The following CTNND2 variants were observed in gnomAD, a reference collection of about 807,000 sequenced individuals.
The protein encoded by CTNND2 is catenin delta 2.
In CTNND2, 22 loss-of-function variants were observed where a neutral mutation model predicts 144.4. The ratio of observed to expected loss-of-function variants is 0.15; its 90% CI spans 0.11 to 0.22. The LOEUF is 0.22. Ranked by LOEUF, CTNND2 falls within the 10% of genes least tolerant of loss-of-function variation. CTNND2 has a pLI of 1.00. For synonymous variants in CTNND2, 751 were observed against 695.6 expected, an observed-to-expected ratio of 1.08 and a Z score of -1.25; for missense variants, 1,353 against 1,618.8, an observed-to-expected ratio of 0.84 and a Z score of 2.82.
intron 2 of CTNND2, among the ~76,000 whole-genome samples, chr5:11,706,008 C>A (rs1785674509): frequency 6.6e-6 from 1 of 152,160 alleles, no homozygotes; most frequent in Non-Finnish European, 1.5e-5. Flanking sequence ...TTATGAGTAA[C>A]CTTTAAGGAC....
At chr5:11,333,112 G>A (rs998469408) in intron 9 of CTNND2, among the ~76,000 whole-genome samples, 20 of 152,132 alleles carry the variant, frequency 1.3e-4, no homozygotes, top group Admixed American at 1.1e-3. Flanking sequence ...TTAGCATGAT[G>A]TCTTCATGAT....
At chr5:11,660,955 T>C (rs1783169596) in intron 2 of CTNND2, among the ~76,000 whole-genome samples, 1 of 152,150 alleles carries the variant, frequency 6.6e-6, no homozygotes, top group Non-Finnish European at 1.5e-5. Flanking sequence ...GTTGAAAATG[T>C]GGCTTGATTT....
chr5:11,861,136 G>C (rs1325915482), intron 1 of CTNND2, among the ~76,000 whole-genome samples: 1 of 152,108 alleles, frequency 6.6e-6, no homozygotes, highest in Non-Finnish European at 1.5e-5. Flanking sequence ...TGTACTGCAT[G>C]ATCACCAGTG....
Position 11,830,934 on chromosome 5 carries a change from T to G in CTNND2, c.37+72883A>C. On this transcript the variant is annotated intron_variant, in intron 1 of 21. Transcript: ENST00000304623. ...ACAATTGAAAATTAAAATAAAACAATACCATTTATACCACCAAAGCATGAA... is the reference window on the plus strand; with the variant it reads ...ACAATTGAAAATTAAAATAAAACAAGACCATTTATACCACCAAAGCATGAA... Among the ~76,000 whole-genome samples, 3 of 152,286 alleles carry G rather than the reference T, an allele frequency of 2.0e-5. No individual in the cohort carries two copies. The South Asian group carries it at 6.2e-4, about 32-fold the overall frequency.
chr5:11,004,992 T>A (rs1017861750), intron 18 of CTNND2, among the ~76,000 whole-genome samples: 4 of 152,110 alleles, frequency 2.6e-5, no homozygotes, highest in Admixed American at 6.5e-5. Context: ...TGTTCAGACA[T>A]GATCACATCA....
At chr5:11,880,833 TACCACTACTACTACC>T (rs1426315709) in intron 1 of CTNND2, among the ~76,000 whole-genome samples, 14 of 124,500 alleles carry the variant, frequency 1.1e-4, no homozygotes, top group African/African-American at 3.4e-4. Context: ...CTACCACTAC[TACCACTACTACTACC>T]ACCACTACTA....
rs190355326 is a variant in CTNND2, at chr5:11,173,159, C to T, written c.1976-13400G>A. Among the ~76,000 whole-genome samples, 767 of 152,320 alleles carry T rather than the reference C, an allele frequency of 5.0e-3. 3 individuals are homozygous for T. Among genetic ancestry groups the T allele is most frequent in the Non-Finnish European group, 7.9e-3 (538 of 68,024 alleles). On this transcript the variant is annotated intron_variant, in intron 11 of 21. Coordinates refer to ENST00000304623, the MANE Select transcript of CTNND2 (RefSeq NM_001332.4). ...CAACTTTGCCCACATGCCGAACTTCCCGGGTACCCGTGCCCTCTGGCTTGC... is the reference window on the plus strand; with the variant it reads ...CAACTTTGCCCACATGCCGAACTTCTCGGGTACCCGTGCCCTCTGGCTTGC...
At chr5:11,794,881 T>C (rs1159143504) in intron 1 of CTNND2, among the ~76,000 whole-genome samples, 2 of 152,210 alleles carry the variant, frequency 1.3e-5, no homozygotes, top group Non-Finnish European at 2.9e-5. Context: ...CATTCCTATT[T>C]ATGATTCGTA....
intron 2 of CTNND2, among the ~76,000 whole-genome samples, chr5:11,712,210 G>A (rs1272617335): frequency 6.6e-6 from 1 of 152,028 alleles, no homozygotes; most frequent in Non-Finnish European, 1.5e-5. Context: ...TCAACAGGGA[G>A]AAAAAGGCTT....
chr5:11,462,651 T>C (rs934029772), intron 3 of CTNND2, among the ~76,000 whole-genome samples: 1 of 151,780 alleles, frequency 6.6e-6, no homozygotes, highest in Admixed American at 6.6e-5. Context: ...AAATAAAAAG[T>C]AAATTTAAAA....
At chr5:11,874,281 AT>A (rs764979253) in intron 1 of CTNND2, among the ~76,000 whole-genome samples, 26 of 152,200 alleles carry the variant, frequency 1.7e-4, no homozygotes, top group Non-Finnish European at 3.1e-4. Flanking sequence ...ACTAGTAAAC[AT>A]AAGATAGCAG....
chr5:11,595,218 TCAAA>T (rs1433414649), intron 2 of CTNND2, among the ~76,000 whole-genome samples: 8 of 152,120 alleles, frequency 5.3e-5, no homozygotes, highest in Admixed American at 5.2e-4. Context: ...AGGAAGGAAG[TCAAA>T]CAAACAATGC....
At chr5:11,602,758 T>C (rs1021178508) in intron 2 of CTNND2, among the ~76,000 whole-genome samples, 13 of 145,350 alleles carry the variant, frequency 8.9e-5, no homozygotes, top group African/African-American at 3.0e-4. Context: ...ATAATAGATA[T>C]ATTATTAATA....
intron 12 of CTNND2, among the ~76,000 whole-genome samples, chr5:11,128,113 C>T (rs533565456): frequency 2.6e-5 from 4 of 152,128 alleles, no homozygotes; most frequent in Admixed American, 2.0e-4. Context: ...TGGAAAATCT[C>T]CCTATTTTAT....
chr5:10,976,161 G>C (rs957660924), intron 21 of CTNND2, among the ~76,000 whole-genome samples: 1 of 152,134 alleles, frequency 6.6e-6, no homozygotes, highest in Non-Finnish European at 1.5e-5. Context: ...TGTGGTATTT[G>C]CTCTTGTGGT....
intron 18 of CTNND2, among the ~76,000 whole-genome samples, chr5:10,999,814 C>T (rs1739737127): frequency 6.6e-6 from 1 of 152,208 alleles, no homozygotes; most frequent in Admixed American, 6.5e-5. Context: ...CTTTATCTTA[C>T]ACCCTTTAGC....
intron 7 of CTNND2, among the ~76,000 whole-genome samples, chr5:11,378,332 T>C (rs779123252): frequency 2.6e-5 from 4 of 152,136 alleles, no homozygotes; most frequent in Admixed American, 1.3e-4. Flanking sequence ...CCCAGAGGCA[T>C]GGCCAGCAGG....
At chr5:11,768,595 T>C (rs190841405) in intron 1 of CTNND2, among the ~76,000 whole-genome samples, 4 of 152,254 alleles carry the variant, frequency 2.6e-5, no homozygotes, top group Admixed American at 2.6e-4. Context: ...CTGGGTGTTA[T>C]TAAATAGCCA....
At chr5:11,397,003 C>T (rs755205848) in intron 6 of CTNND2, 28 bp downstream of exon 6, 1 of 1,592,270 alleles carries the variant, frequency 6.3e-7, no homozygotes, top group Non-Finnish European at 8.6e-7. Context: ...TTGGAGTCCA[C>T]TGACACCATA....
Sources: allele counts gnomAD v4.1 joint callset (sites outside exome capture counted in the v4.1 genomes callset), GRCh38; gene constraint gnomAD v4.1.1; transcripts MANE v1.5; gene names NCBI Gene and HGNC (gene_info 2026-07-23, HGNC 2026-07-21).